Variants in CEP170 observed in about 807,000 individuals in gnomAD.
CEP170 encodes the protein centrosomal protein of 170 kDa.
In CEP170, 21 loss-of-function variants were observed where a neutral mutation model predicts 151.9. The ratio of observed to expected loss-of-function variants is 0.14; its 90% CI spans 0.10 to 0.20. The LOEUF is 0.20. Among genes scored for constraint, CEP170 ranks in the 10% least tolerant of loss-of-function variants. The probability of loss-of-function intolerance (pLI) is 1.00; values close to 1 mark genes in which losing one functional copy is unlikely to be tolerated. For missense variants in CEP170, 964 were observed against 1,892.9 expected, an observed-to-expected ratio of 0.51 and a Z score of 9.11; for synonymous variants, 356 against 648.8, an observed-to-expected ratio of 0.55 and a Z score of 6.86.
At chr1:243,137,723 G>A (rs190583012) in intron 16 of CEP170, among the ~76,000 whole-genome samples, 1 of 151,296 alleles carries the variant, frequency 6.6e-6, no homozygotes, top group Non-Finnish European at 1.5e-5. Context: ...TGCAGTGGGC[G>A]GAGATAGCAC....
In CEP170 at chr1:243,140,421, A is replaced by T. The variant is rs571380140; in HGVS notation, c.4060-314T>A. 10 of 204,236 alleles carry T rather than the reference A, an allele frequency of 4.9e-5. No homozygotes were observed. The East Asian group carries it at 1.1e-3, about 23-fold the overall frequency. The allele number at this position is 204,236 out of a possible 1,614,324, so 12.7% of individuals were successfully genotyped here. A position where few individuals can be genotyped will look rare whatever the true frequency, so the allele number is the denominator to read the frequency against. The stretch of plus-strand genomic sequence containing the variant: ...TGGTAAATAGAAAAAAAGCTGAGCC[A>T]TGTAGATGGACAATGAGTTCATTTT... On this transcript the variant is annotated intron_variant, in intron 15 of 19. Transcript: ENST00000366542.
chr1:243,178,928 CAGGATG>C (rs2059438830), intron 10 of CEP170, among the ~76,000 whole-genome samples: 2 of 152,154 alleles, frequency 1.3e-5, no homozygotes, highest in East Asian at 3.9e-4. Flanking sequence ...CCGTGTTAGC[CAGGATG>C]GTGTCAATCT....
At chr1:243,135,338 C>T (rs2054927155) in intron 17 of CEP170, among the ~76,000 whole-genome samples, 2 of 152,114 alleles carry the variant, frequency 1.3e-5, no homozygotes, top group Non-Finnish European at 2.9e-5. Context: ...TCCCGAGTAA[C>T]TGGGACTACA....
At position 243,185,897 on chromosome 1, in the gene CEP170, G is replaced by A. The variant is rs374340801; in HGVS notation, c.1448C>T (p.Ala483Val). ...QEMDKMLKNQ[A>V]TSATSEKDND... is the part of the protein sequence containing the mutation. The stretch of plus-strand genomic sequence containing the variant: ...ATCCTTTTCAGAAGTAGCAGAAGTT[G>A]CTTGATTTTTTAACATTTTATCCAT... Residue 483 changes from alanine (A) to valine (V), a missense_variant, in exon 10 of 20, where the codon GCA becomes GTA. Transcript: ENST00000366542. The surrounding 1 kb of genome is among the most constrained non-coding windows in gnomAD (Gnocchi z 4.9). 6.2e-7 allele frequency: 1 copy of A among 1,613,618 alleles called. No individual in the cohort carries two copies. Among genetic ancestry groups the A allele is most frequent in the Non-Finnish European group, 8.5e-7 (1 of 1,179,710 alleles).
chr1:243,200,468 T>C lies in CEP170; in HGVS notation c.496+50A>G, dbSNP rs546133157. The C allele has an allele frequency of 1.0e-4, 163 of 1,580,302 alleles. No individual in the cohort carries two copies. The South Asian group carries it at 1.4e-3, about 14-fold the overall frequency. On this transcript the variant is annotated intron_variant, in intron 6 of 19. Coordinates refer to ENST00000366542, the MANE Select transcript of CEP170 (RefSeq NM_014812.3). ...AACTTTCTGAGAACAAAGCATGCAGTGTCTTCAAGATCAAGTATAAAGATG... is the reference window on the plus strand; with the variant it reads ...AACTTTCTGAGAACAAAGCATGCAGCGTCTTCAAGATCAAGTATAAAGATG...
rs564707515 is a variant in CEP170 at position 243,148,792 on chromosome 1, C to A, written c.3912-6329G>T. Among the ~76,000 whole-genome samples, 292 of 152,194 alleles carry A rather than the reference C, an allele frequency of 1.9e-3. 1 individual carries two copies. Among genetic ancestry groups the A allele is most frequent in the Middle Eastern group, 0.017 (5 of 292 alleles). On this transcript the variant is annotated intron_variant, in intron 14 of 19. Coordinates refer to ENST00000366542, the MANE Select transcript of CEP170 (RefSeq NM_014812.3). ...AATGATAAGGAAAGATCTTTCTCTT[C>A]CATCAGTGGAAACTGTCAGTTAATT...
chr1:243,219,313 C>T lies in CEP170; in HGVS notation c.195+2411G>A, dbSNP rs967173157. The stretch of plus-strand genomic sequence containing the variant: ...TAAACTTCAACTCATTACATGTTTA[C>T]ACACTTTGGAAGGTAGTATATATGA... On this transcript the variant is annotated intron_variant, in intron 3 of 19. Transcript: ENST00000366542. 3.9e-5 allele frequency among the ~76,000 whole-genome samples: 6 copies of T among 152,330 alleles called. No homozygotes were observed. The East Asian group carries it at 9.6e-4, about 24-fold the overall frequency.
chr1:243,157,478 G>GTGTT (rs1194319315), intron 13 of CEP170, among the ~76,000 whole-genome samples: 4 of 152,164 alleles, frequency 2.6e-5, no homozygotes, highest in Non-Finnish European at 5.9e-5. Context: ...ACTTAGCTGA[G>GTGTT]TGTTGGCTAG....
chr1:243,212,203 A>G (rs1455991925), intron 3 of CEP170, among the ~76,000 whole-genome samples: 2 of 152,224 alleles, frequency 1.3e-5, no homozygotes, highest in African/African-American at 4.8e-5. Flanking sequence ...GAATTTAGGC[A>G]CTTAGAATAG....
At chr1:243,224,436 C>A (rs2063066745) in intron 2 of CEP170, among the ~76,000 whole-genome samples, 1 of 150,878 alleles carries the variant, frequency 6.6e-6, no homozygotes. Context: ...AATACACTAA[C>A]AACAGCTGAT....
At chr1:243,161,619 G>T (rs1350980750) in intron 13 of CEP170, among the ~76,000 whole-genome samples, 1 of 152,028 alleles carries the variant, frequency 6.6e-6, no homozygotes, top group Non-Finnish European at 1.5e-5. Context: ...TTACAGGCAT[G>T]AAACACTGTG....
intron 1 of CEP170, among the ~76,000 whole-genome samples, chr1:243,244,017 T>C (rs1323793684): frequency 6.6e-6 from 1 of 152,186 alleles, no homozygotes; most frequent in Admixed American, 6.5e-5. Flanking sequence ...TAACAGTGAT[T>C]GGTTGGAAAA....
chr1:243,148,624 T>C (rs530524187), intron 14 of CEP170, among the ~76,000 whole-genome samples: 16 of 152,266 alleles, frequency 1.1e-4, no homozygotes, highest in Non-Finnish European at 1.9e-4. Flanking sequence ...AAAGCAATAG[T>C]TATGAATGAT....
intron 4 of CEP170, among the ~76,000 whole-genome samples, chr1:243,203,669 T>G (rs2061210222): frequency 6.6e-6 from 1 of 152,130 alleles, no homozygotes; most frequent in Admixed American, 6.5e-5. Context: ...TCAAAATTAA[T>G]ATATTTCATA....
Position 243,156,432 on chromosome 1 carries a change from G to T in CEP170, c.3700C>A (p.Pro1234Thr). The T allele has an allele frequency of 6.5e-7, 1 of 1,548,892 alleles. No individual in the cohort carries two copies. Among genetic ancestry groups the T allele is most frequent in the Non-Finnish European group, 8.7e-7 (1 of 1,145,898 alleles). ...TCTGAGGTGGAAGCATAATCAGTAG[G>T]AAAGCGCCTCCATCTTGAATTTACT... Reference protein sequence around the residue: ...ASVNSRWRRFPTDYASTSEDE... With the variant: ...ASVNSRWRRFTTDYASTSEDE... The change falls in exon 14 of 20, where the codon CCT (proline) becomes ACT (threonine). Residue 1234 changes from proline to threonine, a missense_variant. Physicochemically the swap from Pro to Thr is conservative, Grantham distance 38. Transcript: ENST00000366542.
intron 7 of CEP170, among the ~76,000 whole-genome samples, chr1:243,194,775 C>T (rs933822618): frequency 2.0e-5 from 3 of 151,564 alleles, no homozygotes; most frequent in Admixed American, 6.6e-5. Context: ...TTTTGTTATA[C>T]CAAATGAAAC....
intron 3 of CEP170, among the ~76,000 whole-genome samples, chr1:243,214,215 A>G (rs1197869936): frequency 6.6e-6 from 1 of 151,986 alleles, no homozygotes; most frequent in African/African-American, 2.4e-5. Flanking sequence ...TAAAAATAAT[A>G]AGTGTTTTGC....
intron 6 of CEP170, 90 bp from the exon 7 acceptor site, chr1:243,199,284 T>C: frequency 4.3e-6 from 6 of 1,410,660 alleles, no homozygotes; most frequent in African/African-American, 1.4e-5. Context: ...GCTTGATTAA[T>C]TAAATTAAAA....
intron 4 of CEP170, among the ~76,000 whole-genome samples, chr1:243,203,976 A>G (rs2061238845): frequency 6.6e-6 from 1 of 152,104 alleles, no homozygotes; most frequent in Non-Finnish European, 1.5e-5. Flanking sequence ...TTAGGAGATG[A>G]TTATCTTTCC....
Sources: gnomAD v4.1 joint callset for allele counts (sites outside exome capture counted in the v4.1 genomes callset) on GRCh38, gnomAD v4.1.1 for gene constraint, Gnocchi (gnomAD v3.1) non-coding constraint, MANE v1.5 for transcripts, NCBI Gene and HGNC (gene_info 2026-07-23, HGNC 2026-07-21) for gene names.